The following EEF1AKMT4 variants were observed in gnomAD, a reference collection of about 807,000 sequenced individuals.
EEF1AKMT4 encodes EEF1A lysine methyltransferase 4.
In EEF1AKMT4, 17 loss-of-function variants were observed where a neutral mutation model predicts 23.0. That is an observed-to-expected ratio of 0.74 (90% CI 0.51 to 1.11). The LOEUF is 1.11. Among genes scored for constraint, EEF1AKMT4 ranks in the 50% least tolerant of loss-of-function variants. The pLI is 0.00. For missense variants in EEF1AKMT4, 318 were observed against 333.4 expected, an observed-to-expected ratio of 0.95 and a Z score of 0.36; for synonymous variants, 140 against 141.4, an observed-to-expected ratio of 0.99 and a Z score of 0.07.
At chr3:184,256,981 G>T (rs1460684157) in intron 1 of EEF1AKMT4, among the ~76,000 whole-genome samples, 1 of 151,848 alleles carries the variant, frequency 6.6e-6, no homozygotes, top group African/African-American at 2.4e-5. Context: ...CTAGCTCTTA[G>T]TTCTTAAGTT....
At chr3:184,255,630 T>G (rs992291790) in intron 1 of EEF1AKMT4, among the ~76,000 whole-genome samples, 13 of 152,202 alleles carry the variant, frequency 8.5e-5, no homozygotes, top group Admixed American at 3.3e-4. Context: ...TCTAAGGAAG[T>G]CATGCCCATT....
intron 1 of EEF1AKMT4, among the ~76,000 whole-genome samples, chr3:184,252,074 G>A (rs1719585888): frequency 6.6e-6 from 1 of 152,188 alleles, no homozygotes; most frequent in Non-Finnish European, 1.5e-5. Context: ...GCTTTAGTGT[G>A]TATCAAAATT....
chr3:184,257,193 G>T (rs541220419), intron 1 of EEF1AKMT4, among the ~76,000 whole-genome samples: 4 of 138,168 alleles, frequency 2.9e-5, no homozygotes, highest in Admixed American at 2.3e-4. Context: ...CTGGGCGACC[G>T]AGTGAGAATT....
intron 1 of EEF1AKMT4, 104 bp downstream of exon 1, chr3:184,249,994 G>A: frequency 7.6e-7 from 1 of 1,324,490 alleles, no homozygotes; most frequent in Non-Finnish European, 1.0e-6. Context: ...CCTCTTGGAG[G>A]ACGCCTGCGT....
chr3:184,258,642 TGACTTAG>T lies in EEF1AKMT4; in HGVS notation c.*73_*79del, dbSNP rs1303504018. The T allele has an allele frequency of 6.6e-7, 1 of 1,513,176 alleles. No individual in the cohort carries two copies. The highest frequency in any genetic ancestry group is 1.4e-5 in the African/African-American group (1 of 71,646). 93.7% of individuals were successfully genotyped at this position (1,513,176 alleles called of 1,614,324 possible). The stretch of plus-strand genomic sequence containing the variant: ...GGGCTCCTCAGGTAGTTGGAATTCC[TGACTTAG>T]GACTTGGGGTTGGGTCCAAGGTGCT... On this transcript the variant is annotated 3_prime_UTR_variant, in exon 3 of 3. Transcript: ENST00000324557.
At chr3:184,249,957 G>A in intron 1 of EEF1AKMT4, 67 bp downstream of exon 1, 2 of 1,523,260 alleles carry the variant, frequency 1.3e-6, no homozygotes, top group Non-Finnish European at 1.8e-6. Flanking sequence ...GGCTTGGCCT[G>A]GTCCGCTTTC....
chr3:184,257,502 C>G lies in EEF1AKMT4; in HGVS notation c.226C>G (p.Leu76Val). The change falls in exon 2 of 3, where the codon CTG becomes GTG. Residue 76 changes from leucine to valine, a missense_variant. By Grantham distance (32) the Leu-to-Val change is conservative. Transcript: ENST00000324557. ...GCGNSALSYELFLGGFPNVTS... is the reference protein window; with the variant it reads ...GCGNSALSYEVFLGGFPNVTS... ...CGGGAACAGTGCCCTGAGCTACGAG[C>G]TGTTCCTCGGAGGCTTCCCTAATGT... 6.2e-7 allele frequency: 1 copy of G among 1,609,226 alleles called. No individual in the cohort carries two copies. The highest frequency in any genetic ancestry group is 8.5e-7 in the Non-Finnish European group (1 of 1,175,974).
rs368519206 is a variant in EEF1AKMT4 at position 184,257,590 on chromosome 3, C to T, written c.314C>T (p.Pro105Leu). The change falls in exon 2 of 3, where the codon CCG becomes CTG. Residue 105 changes from proline to leucine, a missense_variant. Transcript: ENST00000324557. ...AAMQARHAHVPQLRWETMDVR... is the reference protein window; with the variant it reads ...AAMQARHAHVLQLRWETMDVR... The stretch of plus-strand genomic sequence containing the variant: ...ATGCAGGCTCGCCATGCCCATGTGC[C>T]GCAGCTGCGCTGGGAGACCATGGAT... The T allele has an allele frequency of 3.6e-5, 58 of 1,614,168 alleles. No homozygotes were observed. Among genetic ancestry groups the T allele is most frequent in the Non-Finnish European group, 4.4e-5 (52 of 1,180,048 alleles).
chr3:184,250,930 A>G, intron 1 of EEF1AKMT4, among the ~76,000 whole-genome samples: 1 of 152,162 alleles, frequency 6.6e-6, no homozygotes, highest in Non-Finnish European at 1.5e-5. Context: ...CTAAAAATAC[A>G]AAAAATTAGT....
Position 184,257,477 on chromosome 3 carries a change from C to A in EEF1AKMT4, c.201C>A (p.Cys67Ter). Residue 67 changes from cysteine to a stop codon, truncating the protein, a stop_gained, in exon 2 of 3, where the codon TGC becomes TGA. Coordinates refer to ENST00000324557, the MANE Select transcript of EEF1AKMT4 (RefSeq NM_032331.4). LOFTEE classifies it high-confidence loss of function. ...RPEDRILVLG[C>*]GNSALSYELF... is the part of the protein sequence containing the mutation. ...ACCCATTCCCTCCCACCCCAGGTTGCGGGAACAGTGCCCTGAGCTACGAGC... is the reference window on the plus strand; with the variant it reads ...ACCCATTCCCTCCCACCCCAGGTTGAGGGAACAGTGCCCTGAGCTACGAGC... 6.3e-7 allele frequency: 1 copy of A among 1,594,896 alleles called. No individual in the cohort carries two copies. Among genetic ancestry groups the A allele is most frequent in the Non-Finnish European group, 8.6e-7 (1 of 1,165,318 alleles).
chr3:184,254,569 C>T (rs1057448921), intron 1 of EEF1AKMT4, among the ~76,000 whole-genome samples: 8 of 150,272 alleles, frequency 5.3e-5, no homozygotes, highest in Admixed American at 1.3e-4. Context: ...AGAAATTAGC[C>T]GGGCGTGGTG....
rs1719875255 is a variant in EEF1AKMT4 at position 184,257,668 on chromosome 3, G to A, written c.392G>A (p.Gly131Asp). 5.0e-6 allele frequency: 8 copies of A among 1,614,214 alleles called. No homozygotes were observed. Among genetic ancestry groups the A allele is most frequent in the Non-Finnish European group, 5.9e-6 (7 of 1,180,048 alleles). Residue 131 changes from glycine (G) to aspartate (D), a missense_variant, in exon 2 of 3, where the codon GGC becomes GAC. Transcript: ENST00000324557. ...TCTTTTGATGTGGTGCTCGAGAAGG[G>A]CACGCTGGATGCCCTGCTGGCTGGG... is the stretch of plus-strand genomic sequence containing the variant. ...SASFDVVLEK[G>D]TLDALLAGER...
rs902207223 is a variant in EEF1AKMT4 at position 184,258,462 on chromosome 3, G to A, written c.655G>A (p.Val219Met). The A allele has an allele frequency of 1.2e-5, 20 of 1,613,884 alleles. No individual in the cohort carries two copies. In the East Asian group the frequency reaches 4.5e-4, roughly 36 times the overall value. The change falls in exon 3 of 3, where the codon GTG (valine) becomes ATG (methionine). Residue 219 changes from valine (V) to methionine (M), a missense_variant. Coordinates refer to ENST00000324557, the MANE Select transcript of EEF1AKMT4 (RefSeq NM_032331.4). ...YLMHKGGKLS[V>M]AQLALGAQIL... ...CATGCACAAGGGCGGGAAGCTCAGTGTGGCCCAGCTGGCTCTGGGGGCCCA... is the reference window on the plus strand; with the variant it reads ...CATGCACAAGGGCGGGAAGCTCAGTATGGCCCAGCTGGCTCTGGGGGCCCA...
chr3:184,249,677 T>C lies in EEF1AKMT4; in HGVS notation c.-18T>C. 6.3e-7 allele frequency: 1 copy of C among 1,577,846 alleles called. No individual in the cohort carries two copies. Among genetic ancestry groups the C allele is most frequent in the Non-Finnish European group, 8.6e-7 (1 of 1,157,812 alleles). ...TGGCTGAAGGGCCGGCGGCTCTGGCTGCCCGGCGGTTGAGAGCATGGCCTC... is the reference window on the plus strand; with the variant it reads ...TGGCTGAAGGGCCGGCGGCTCTGGCCGCCCGGCGGTTGAGAGCATGGCCTC... On this transcript the variant is annotated 5_prime_UTR_variant, in exon 1 of 3. Coordinates refer to ENST00000324557, the MANE Select transcript of EEF1AKMT4 (RefSeq NM_032331.4).
chr3:184,257,685 C>T lies in EEF1AKMT4; in HGVS notation c.409C>T (p.Leu137=). 1 of 1,614,174 alleles carries T rather than the reference C, an allele frequency of 6.2e-7. No individual in the cohort carries two copies. Among genetic ancestry groups the T allele is most frequent in the Non-Finnish European group, 8.5e-7 (1 of 1,180,034 alleles). Residue 137 remains leucine, a synonymous_variant, in exon 2 of 3, where the codon CTG becomes TTG. Transcript: ENST00000324557. ...VLEKGTLDAL[L]AGERDPWTVS... ...CGAGAAGGGCACGCTGGATGCCCTG[C>T]TGGCTGGGGAACGAGATCCCTGGAC...
intron 1 of EEF1AKMT4, among the ~76,000 whole-genome samples, chr3:184,255,212 G>C (rs1441887904): frequency 6.6e-6 from 1 of 152,210 alleles, no homozygotes; most frequent in Non-Finnish European, 1.5e-5. Context: ...AGCAAACCCA[G>C]TGGGATTTCA....
rs1170239406 is a variant in EEF1AKMT4 at position 184,249,745 on chromosome 3, C to T, written c.51C>T (p.Asn17=). 3.1e-6 allele frequency: 5 copies of T among 1,613,084 alleles called. No homozygotes were observed. In the Admixed American group the frequency reaches 6.7e-5, roughly 21 times the overall value. Residue 17 remains asparagine (N), a synonymous_variant, in exon 1 of 3, where the codon AAC becomes AAT. Coordinates refer to ENST00000324557, the MANE Select transcript of EEF1AKMT4 (RefSeq NM_032331.4). ...GRAPPELPER[N]CGYREVEYWD... ...CGCCTCCGGAGTTACCGGAGCGGAACTGCGGGTACCGCGAAGTCGAGTACT... is the reference window on the plus strand; with the variant it reads ...CGCCTCCGGAGTTACCGGAGCGGAATTGCGGGTACCGCGAAGTCGAGTACT...
At chr3:184,251,740 A>G (rs1719567825) in intron 1 of EEF1AKMT4, among the ~76,000 whole-genome samples, 1 of 151,870 alleles carries the variant, frequency 6.6e-6, no homozygotes, top group African/African-American at 2.4e-5. Context: ...ACAAAAAACC[A>G]CCTTGGACTC....
At chr3:184,251,469 G>A (rs901012687) in intron 1 of EEF1AKMT4, among the ~76,000 whole-genome samples, 1 of 152,018 alleles carries the variant, frequency 6.6e-6, no homozygotes, top group African/African-American at 2.4e-5. Context: ...GGAGGTGGAG[G>A]TTGCAGTGAG....
Sources: allele counts gnomAD v4.1 joint callset (sites outside exome capture counted in the v4.1 genomes callset), GRCh38; gene constraint gnomAD v4.1.1; transcripts MANE v1.5; gene names NCBI Gene and HGNC (gene_info 2026-07-23, HGNC 2026-07-21).